Variants in FLI1 observed in about 807,000 individuals in gnomAD.
FLI1 encodes the protein Friend leukemia integration 1 transcription factor.
Under a neutral mutation model 53.1 loss-of-function variants are expected in FLI1, and 13 were observed. The ratio of observed to expected loss-of-function variants is 0.24; its 90% CI spans 0.16 to 0.39. The LOEUF (loss-of-function observed/expected upper bound fraction) is 0.39, where lower values mean the gene tolerates loss of function less well. Ranked by LOEUF, FLI1 falls within the 10% of genes least tolerant of loss-of-function variation. The pLI, the probability that FLI1 is intolerant of heterozygous loss-of-function variation, is 1.00. For synonymous variants in FLI1, 244 were observed against 236.7 expected (o/e 1.03, Z -0.28); for missense variants, 424 against 600.5 (o/e 0.71, Z 3.07).
At chr11:128,685,553 T>G (rs1174798564), upstream of FLI1, among the ~76,000 whole-genome samples, 1 of 147,552 alleles carries the variant, frequency 6.8e-6, no homozygotes, top group Non-Finnish European at 1.5e-5. Context: ...ACTTCGACTT[T>G]CAAAAAAAAA....
chr11:128,783,313 T>A (rs961349455), intron 5 of FLI1, among the ~76,000 whole-genome samples: 8 of 152,250 alleles, frequency 5.3e-5, no homozygotes, highest in Non-Finnish European at 1.0e-4. Flanking sequence ...GGTTACAACT[T>A]TGATCACACA....
chr11:128,701,881 T>C (rs151167915), intron 1 of FLI1, among the ~76,000 whole-genome samples: 2 of 152,344 alleles, frequency 1.3e-5, no homozygotes, highest in East Asian at 3.9e-4. Flanking sequence ...TTCACATGTC[T>C]ACTGGAATCT....
chr11:128,759,015 C>T (rs1298239898), intron 2 of FLI1, among the ~76,000 whole-genome samples: 1 of 152,220 alleles, frequency 6.6e-6, no homozygotes, highest in South Asian at 2.1e-4. Flanking sequence ...CAGCTTTCTC[C>T]CTTCTCAAAC....
At chr11:128,747,702 G>A (rs528828721) in intron 1 of FLI1, among the ~76,000 whole-genome samples, 2 of 152,290 alleles carry the variant, frequency 1.3e-5, no homozygotes, top group African/African-American at 2.4e-5. Flanking sequence ...GCTTCGTCCC[G>A]GACGGTCAAG....
At chr11:128,755,733 A>G (rs1940831989) in intron 1 of FLI1, among the ~76,000 whole-genome samples, 1 of 152,244 alleles carries the variant, frequency 6.6e-6, no homozygotes, top group Non-Finnish European at 1.5e-5. Flanking sequence ...GAAGGATCCC[A>G]GCAGATGTTA....
intron 5 of FLI1, among the ~76,000 whole-genome samples, chr11:128,801,426 A>C (rs1942632924): frequency 6.6e-6 from 1 of 152,212 alleles, no homozygotes; most frequent in African/African-American, 2.4e-5. Flanking sequence ...TAGTAGGAAA[A>C]AAATATGAAC....
chr11:128,762,923 T>A (rs1218091559), intron 2 of FLI1, among the ~76,000 whole-genome samples: 1 of 151,408 alleles, frequency 6.6e-6, no homozygotes, highest in African/African-American at 2.4e-5. Context: ...GCCACTGGAC[T>A]CCGGTCTGGG....
intron 5 of FLI1, among the ~76,000 whole-genome samples, chr11:128,782,884 A>G (rs114437705): frequency 6.6e-6 from 1 of 152,322 alleles, no homozygotes; most frequent in African/African-American, 2.4e-5. Context: ...TGGTTCAGAT[A>G]CTGTTAGATT....
intron 1 of FLI1, among the ~76,000 whole-genome samples, chr11:128,687,606 A>T (rs960112021): frequency 6.6e-6 from 1 of 152,050 alleles, no homozygotes; most frequent in Non-Finnish European, 1.5e-5. Context: ...TGCTCCCCAG[A>T]CCGGTCAGTG....
chr11:128,768,424 G>A (rs1407342093), intron 3 of FLI1, 152 bp downstream of exon 3: 2 of 870,624 alleles, frequency 2.3e-6, no homozygotes, highest in African/African-American at 3.3e-5. Flanking sequence ...GCTCGCGCCT[G>A]TAATCCCAGC....
At chr11:128,761,946 G>A (rs1282582654) in intron 2 of FLI1, among the ~76,000 whole-genome samples, 1 of 152,066 alleles carries the variant, frequency 6.6e-6, no homozygotes, top group Non-Finnish European at 1.5e-5. Flanking sequence ...CACCCACCCT[G>A]GGCAAGCAGA....
At chr11:128,748,163 C>T in intron 1 of FLI1, 1 of 503,816 alleles carries the variant, frequency 2.0e-6, no homozygotes, top group Non-Finnish European at 2.6e-6. Flanking sequence ...CTCACTTAGG[C>T]TATACCCTTC....
chr11:128,798,984 C>T (rs966704956), intron 5 of FLI1, among the ~76,000 whole-genome samples: 3 of 151,474 alleles, frequency 2.0e-5, no homozygotes, highest in Non-Finnish European at 2.9e-5. Flanking sequence ...AATAATCCAC[C>T]TCTTCTTTTA....
At chr11:128,716,799 C>T (rs1329468338) in intron 1 of FLI1, among the ~76,000 whole-genome samples, 7 of 152,080 alleles carry the variant, frequency 4.6e-5, no homozygotes, top group Non-Finnish European at 1.5e-5. Flanking sequence ...TGGGTGTGAC[C>T]GCCAGTTTAC....
At chr11:128,741,388 G>A (rs598151) in intron 1 of FLI1, among the ~76,000 whole-genome samples, 119,769 of 152,116 alleles carry the variant, frequency 0.79, 47,934 homozygotes, top group East Asian at 0.96. Flanking sequence ...GTGAGACTCC[G>A]TCTCAAAAGT....
intron 1 of FLI1, among the ~76,000 whole-genome samples, chr11:128,707,292 T>C (rs1170465518): frequency 6.6e-6 from 1 of 152,142 alleles, no homozygotes; most frequent in Non-Finnish European, 1.5e-5. Flanking sequence ...TAGAGAACCA[T>C]GCTAACCTGC....
chr11:128,746,421 C>T (rs529629155), intron 1 of FLI1, among the ~76,000 whole-genome samples: 1 of 152,344 alleles, frequency 6.6e-6, no homozygotes, highest in African/African-American at 2.4e-5. Context: ...CTGCCGCCTC[C>T]ACCCCTGGTG....
At chr11:128,722,666 C>G (rs1387246372) in intron 1 of FLI1, among the ~76,000 whole-genome samples, 3 of 152,194 alleles carry the variant, frequency 2.0e-5, no homozygotes, top group Non-Finnish European at 4.4e-5. Context: ...ACAAAAATGA[C>G]AGTCCTTGAG....
At chr11:128,757,057 TTTC>T (rs1355788173) in intron 1 of FLI1, among the ~76,000 whole-genome samples, 1 of 119,480 alleles carries the variant, frequency 8.4e-6, no homozygotes, top group African/African-American at 3.6e-5. Flanking sequence ...TCTTTCTTTC[TTTC>T]TTTCTTTCTT....
Sources: gnomAD v4.1 joint callset for allele counts (sites outside exome capture counted in the v4.1 genomes callset) on GRCh38, gnomAD v4.1.1 for gene constraint, MANE v1.5 for transcripts, NCBI Gene and HGNC (gene_info 2026-07-23, HGNC 2026-07-21) for gene names.